The following KCNQ1 variants were observed in gnomAD, a reference collection of about 807,000 sequenced individuals.
KCNQ1 encodes the protein potassium voltage-gated channel subfamily KQT member 1.
A neutral mutation model predicts 72.4 loss-of-function variants in KCNQ1; 49 were observed. That is an observed-to-expected ratio of 0.68 (90% CI 0.54 to 0.86). The LOEUF (loss-of-function observed/expected upper bound fraction) is 0.86. KCNQ1 is among the 40% of genes least tolerant of loss of function. The pLI, the probability that KCNQ1 is intolerant of heterozygous loss-of-function variation, is 0.00. For synonymous variants in KCNQ1, 450 were observed against 412.6 expected (o/e 1.09, Z -1.10); for missense variants, 790 against 945.1 (o/e 0.84, Z 2.15).
In KCNQ1 at chr11:2,612,050, A is replaced by G; in HGVS notation, c.1393+23196A>G. Reference sequence around the variant, plus strand: ...ATGTTTTCTACTCTTAATTACATATATGTTACAACTTAATTACACATACAT... The same window carrying G: ...ATGTTTTCTACTCTTAATTACATATGTGTTACAACTTAATTACACATACAT... On this transcript the variant is annotated intron_variant, in intron 10 of 15. Coordinates refer to ENST00000155840, the MANE Select transcript of KCNQ1 (RefSeq NM_000218.3). This position sits in a 1 kb window ranked among gnomAD's most constrained non-coding sequence, Gnocchi z 5.5. The G allele has an allele frequency of 2.5e-6, 1 of 398,662 alleles. No homozygotes were observed. Among genetic ancestry groups the G allele is most frequent in the South Asian group, 1.3e-4 (1 of 7,862 alleles). 24.7% of individuals were successfully genotyped at this position (398,662 alleles called of 1,614,324 possible). A position where few individuals can be genotyped will look rare whatever the true frequency, so the allele number is the denominator to read the frequency against.
intron 11 of KCNQ1, among the ~76,000 whole-genome samples, chr11:2,731,631 T>C (rs1054531029): frequency 1.3e-5 from 2 of 152,212 alleles, no homozygotes; most frequent in East Asian, 1.9e-4. Context: ...GGGGACCCTG[T>C]GGTCATGGAG....
At position 2,657,848 on chromosome 11, in the gene KCNQ1, C is replaced by T; in HGVS notation, c.1394-4113C>T. 2.5e-6 allele frequency: 1 copy of T among 398,512 alleles called. No individual in the cohort carries two copies. The highest frequency in any genetic ancestry group is 4.4e-6 in the Non-Finnish European group (1 of 226,054). The allele number at this position is 398,512 out of a possible 1,614,324, so 24.7% of individuals were successfully genotyped here. On this transcript the variant is annotated intron_variant, in intron 10 of 15. Coordinates refer to ENST00000155840, the MANE Select transcript of KCNQ1 (RefSeq NM_000218.3). This position sits in a 1 kb window ranked among gnomAD's most constrained non-coding sequence, Gnocchi z 4.8. ...TGTCTGGTGTTTTCTCAGGACTAGA[C>T]CAGGGTTATAGGTTTAGGGGAAGGA... is the stretch of plus-strand genomic sequence containing the variant.
chr11:2,650,277 T>C (rs1040069477), intron 10 of KCNQ1: 25 of 398,636 alleles, frequency 6.3e-5, no homozygotes, highest in African/African-American at 4.3e-4. Context: ...GAGTCTATTA[T>C]TGGAGAATTA....
At position 2,631,426 on chromosome 11, in the gene KCNQ1, G is replaced by GT. The variant is rs760125033; in HGVS notation, c.1394-30525dup. 2.2e-3 allele frequency: 759 copies of GT among 348,708 alleles called. 1 individual carries two copies. The highest frequency in any genetic ancestry group is 0.017 in the Middle Eastern group (22 of 1,332). 21.6% of individuals were successfully genotyped at this position (348,708 alleles called of 1,614,324 possible). ...TATATTCTTCACCTCCAAAATGTTT[G>GT]TTTTTTTTTTAGGATTTCTATTTCT... On this transcript the variant is annotated intron_variant, in intron 10 of 15. Transcript: ENST00000155840.
In KCNQ1 at chr11:2,611,399, A is replaced by C; in HGVS notation, c.1393+22545A>C. On this transcript the variant is annotated intron_variant, in intron 10 of 15. Coordinates refer to ENST00000155840, the MANE Select transcript of KCNQ1 (RefSeq NM_000218.3). This position sits in a 1 kb window ranked among gnomAD's most constrained non-coding sequence, Gnocchi z 5.3. The stretch of plus-strand genomic sequence containing the variant: ...CATACCCAGCTAATTTTTAGTAGAG[A>C]CAGAGTTTCACCATGTTGACCAGGC... 1 of 397,398 alleles carries C rather than the reference A, an allele frequency of 2.5e-6. No individual in the cohort carries two copies. Among genetic ancestry groups the C allele is most frequent in the South Asian group, 1.4e-4 (1 of 6,992 alleles). The allele number at this position is 397,398 out of a possible 1,614,324, so 24.6% of individuals were successfully genotyped here.
At chr11:2,449,735 C>T (rs1056449517) in intron 1 of KCNQ1, among the ~76,000 whole-genome samples, 11 of 152,158 alleles carry the variant, frequency 7.2e-5, no homozygotes, top group East Asian at 1.9e-4. Flanking sequence ...CAGGCAACTC[C>T]ACCCGGGTGG....
chr11:2,649,478 TG>T (rs1849724930), intron 10 of KCNQ1: 1 of 398,456 alleles, frequency 2.5e-6, no homozygotes, highest in African/African-American at 2.1e-5. Flanking sequence ...TTAGTAGTAA[TG>T]AATTCCCTCA....
At position 2,526,633 on chromosome 11, in the gene KCNQ1, G is replaced by C. The variant is rs1847512553; in HGVS notation, c.387-1295G>C. Among the ~76,000 whole-genome samples, 1 of 151,684 alleles carries C rather than the reference G, an allele frequency of 6.6e-6. No individual in the cohort carries two copies. Among genetic ancestry groups the C allele is most frequent in the African/African-American group, 2.4e-5 (1 of 41,274 alleles). On this transcript the variant is annotated intron_variant, in intron 1 of 15. Transcript: ENST00000155840. The surrounding 1 kb of genome is among the most constrained non-coding windows in gnomAD (Gnocchi z 6.1). ...AGGAGGATGAGCCGAGGCAGGCTGT[G>C]CTGGGAGGTAGCCTGTTTGTTGTGG...
intron 10 of KCNQ1, chr11:2,622,788 A>G (rs139022112): frequency 1.0e-5 from 4 of 398,614 alleles, no homozygotes; most frequent in African/African-American, 4.1e-5. Flanking sequence ...TTTCCCGTAT[A>G]CCCACTGCAC....
In KCNQ1 at chr11:2,515,856, C is replaced by T. The variant is rs1847280010; in HGVS notation, c.387-12072C>T. ...TTGTGCTCTGCCGGGCCACCTGCACCCTCCGGGCCCCAGGAGAAGCTCATG... is the reference window on the plus strand; with the variant it reads ...TTGTGCTCTGCCGGGCCACCTGCACTCTCCGGGCCCCAGGAGAAGCTCATG... On this transcript the variant is annotated intron_variant, in intron 1 of 15. Coordinates refer to ENST00000155840, the MANE Select transcript of KCNQ1 (RefSeq NM_000218.3). The surrounding 1 kb of genome is among the most constrained non-coding windows in gnomAD (Gnocchi z 4.7). Among the ~76,000 whole-genome samples the T allele has an allele frequency of 6.6e-6, 1 of 152,082 alleles. No individual in the cohort carries two copies. Among genetic ancestry groups the T allele is most frequent in the African/African-American group, 2.4e-5 (1 of 41,396 alleles).
At chr11:2,573,890 G>C (rs775624040) in intron 6 of KCNQ1, among the ~76,000 whole-genome samples, 1 of 152,196 alleles carries the variant, frequency 6.6e-6, no homozygotes, top group Non-Finnish European at 1.5e-5. Flanking sequence ...CGAGCTGCAG[G>C]CTCCCCAAGT....
In KCNQ1 at chr11:2,713,539, G is replaced by A. The variant is rs1209411065; in HGVS notation, c.1514+51458G>A. 1.3e-5 allele frequency among the ~76,000 whole-genome samples: 2 copies of A among 152,114 alleles called. No individual in the cohort carries two copies. The highest frequency in any genetic ancestry group is 3.9e-4 in the East Asian group (2 of 5,172). On this transcript the variant is annotated intron_variant, in intron 11 of 15. Transcript: ENST00000155840. This position sits in a 1 kb window ranked among gnomAD's most constrained non-coding sequence, Gnocchi z 5.6. The stretch of plus-strand genomic sequence containing the variant: ...GCTGAATTTTTCCCACTGTGGGAAG[G>A]GGGTCTGGAGGACAGGCACCCTTGT...
intron 2 of KCNQ1, among the ~76,000 whole-genome samples, chr11:2,554,373 G>A (rs1848037590): frequency 6.6e-6 from 1 of 152,212 alleles, no homozygotes; most frequent in Non-Finnish European, 1.5e-5. Flanking sequence ...GATTGTTCAT[G>A]TCTTTGAAAG....
rs1018993991 is a variant in KCNQ1 at position 2,547,745 on chromosome 11, C to T, written c.477+19727C>T. 1.3e-5 allele frequency among the ~76,000 whole-genome samples: 2 copies of T among 152,204 alleles called. No homozygotes were observed. The highest frequency in any genetic ancestry group is 6.5e-5 in the Admixed American group (1 of 15,280). On this transcript the variant is annotated intron_variant, in intron 2 of 15. Transcript: ENST00000155840. This position sits in a 1 kb window ranked among gnomAD's most constrained non-coding sequence, Gnocchi z 4.2. ...ACAACCTTGGGTGGACTACTGACTA[C>T]TTCGCGGGTAAGAAATGGTGAGTGG...
chr11:2,765,173 G>C (rs78181298), intron 11 of KCNQ1, among the ~76,000 whole-genome samples: 4 of 152,128 alleles, frequency 2.6e-5, no homozygotes, highest in Middle Eastern at 3.4e-3. Context: ...GTACCTATTT[G>C]GCTATGAATT....
At chr11:2,575,257 TTGG>T (rs1848405288) in intron 6 of KCNQ1, among the ~76,000 whole-genome samples, 1 of 152,162 alleles carries the variant, frequency 6.6e-6, no homozygotes, top group Non-Finnish European at 1.5e-5. Flanking sequence ...TGTGCCCGGC[TTGG>T]CATCAGTGCC....
chr11:2,736,130 C>T (rs1055879238), intron 11 of KCNQ1, among the ~76,000 whole-genome samples: 1 of 152,144 alleles, frequency 6.6e-6, no homozygotes, highest in Non-Finnish European at 1.5e-5. Context: ...GCTCATTGGG[C>T]AGAACCTACC....
In KCNQ1 at chr11:2,647,103, C is replaced by T. The variant is rs1849678039; in HGVS notation, c.1394-14858C>T. The stretch of plus-strand genomic sequence containing the variant: ...AGGTGTTTAGCTTTTCCCCAGGTGG[C>T]TGTGGGTTTGTCATATATGACCTTC... On this transcript the variant is annotated intron_variant, in intron 10 of 15. Transcript: ENST00000155840. The surrounding 1 kb of genome is among the most constrained non-coding windows in gnomAD (Gnocchi z 4.0). The T allele has an allele frequency of 2.5e-6, 1 of 398,428 alleles. No homozygotes were observed. 24.7% of individuals were successfully genotyped at this position (398,428 alleles called of 1,614,324 possible).
At chr11:2,641,885 G>C (rs1309268441) in intron 10 of KCNQ1, 1 of 398,330 alleles carries the variant, frequency 2.5e-6, no homozygotes, top group Admixed American at 4.4e-5. Flanking sequence ...TAAGTGAAGA[G>C]GGTGCTCTTT....
Sources: gnomAD v4.1 joint callset for allele counts (sites outside exome capture counted in the v4.1 genomes callset) on GRCh38, gnomAD v4.1.1 for gene constraint, Gnocchi (gnomAD v3.1) non-coding constraint, MANE v1.5 for transcripts, NCBI Gene and HGNC (gene_info 2026-07-23, HGNC 2026-07-21) for gene names.